Variants in APBB2 observed in about 807,000 individuals in gnomAD.
APBB2 encodes Fe65-like 1.
A neutral mutation model predicts 82.5 loss-of-function variants in APBB2; 38 were observed. The ratio of observed to expected loss-of-function variants is 0.46; its 90% CI spans 0.36 to 0.60. The LOEUF (loss-of-function observed/expected upper bound fraction) is 0.60, where lower values mean the gene tolerates loss of function less well. Ranked by LOEUF, APBB2 falls within the 20% of genes least tolerant of loss-of-function variation. APBB2 has a pLI of 0.00. For missense variants in APBB2, 772 were observed against 972.3 expected (o/e 0.79, Z 2.74); for synonymous variants, 341 against 368.2 (o/e 0.93, Z 0.85).
intron 12 of APBB2, among the ~76,000 whole-genome samples, chr4:40,846,797 T>C (rs973513380): frequency 5.9e-5 from 9 of 152,180 alleles, no homozygotes; most frequent in African/African-American, 1.7e-4. Context: ...ACACAATAGT[T>C]ACCAGCCTGC....
intron 5 of APBB2, among the ~76,000 whole-genome samples, chr4:41,028,435 C>T (rs1225744980): frequency 1.3e-5 from 2 of 152,164 alleles, no homozygotes; most frequent in Non-Finnish European, 2.9e-5. Context: ...AAGAGTGGTG[C>T]TCTGTTTTCT....
intron 1 of APBB2, among the ~76,000 whole-genome samples, chr4:41,185,582 TTGAC>T (rs1408732365): frequency 6.6e-6 from 1 of 152,252 alleles, no homozygotes; most frequent in Non-Finnish European, 1.5e-5. Flanking sequence ...TTCTTCTTTA[TTGAC>T]TATGTCAAAT....
At chr4:40,913,885 G>A (rs1265758909) in intron 10 of APBB2, among the ~76,000 whole-genome samples, 1 of 152,076 alleles carries the variant, frequency 6.6e-6, no homozygotes, top group Non-Finnish European at 1.5e-5. Flanking sequence ...AAGTCATTCA[G>A]GGGTGAGTTA....
intron 4 of APBB2, among the ~76,000 whole-genome samples, chr4:41,051,833 G>A (rs576910701): frequency 7.2e-4 from 110 of 152,222 alleles, no homozygotes; most frequent in Non-Finnish European, 1.1e-3. Flanking sequence ...GGGCCACCCC[G>A]GTTTGAATTC....
intron 4 of APBB2, among the ~76,000 whole-genome samples, chr4:41,054,418 G>A (rs528794627): frequency 2.0e-5 from 3 of 152,154 alleles, no homozygotes; most frequent in South Asian, 2.1e-4. Context: ...ATTTACTGTC[G>A]AGGCTGATCT....
intron 12 of APBB2, among the ~76,000 whole-genome samples, chr4:40,859,935 A>C (rs1240804605): frequency 2.0e-5 from 3 of 152,216 alleles, no homozygotes; most frequent in Non-Finnish European, 4.4e-5. Context: ...TCTTCTAGGA[A>C]TCTCAGCCCA....
intron 7 of APBB2, among the ~76,000 whole-genome samples, chr4:40,942,367 G>A (rs1053812742): frequency 3.3e-5 from 5 of 152,180 alleles, no homozygotes; most frequent in Admixed American, 6.5e-5. Flanking sequence ...GCAGAAGAGA[G>A]GAATGGAACT....
rs1394266791 is a variant in APBB2 at position 40,982,328 on chromosome 4, AAAGAAGGAAGG to A, written c.835+31244_835+31254del. Reference sequence around the variant, plus strand: ...AAGGAAAGAAAGAAAGAAAGAAAAGAAAGAAGGAAGGAAGGAAGGAAGGAAGGAAGGAAGGA... The same window carrying A: ...AAGGAAAGAAAGAAAGAAAGAAAAGAAAGGAAGGAAGGAAGGAAGGAAGGA... On this transcript the variant is annotated intron_variant, in intron 6 of 17. Coordinates refer to ENST00000508593, the MANE Select transcript of APBB2 (RefSeq NM_004307.2). Among the ~76,000 whole-genome samples the A allele has an allele frequency of 6.0e-5, 3 of 50,316 alleles. 1 individual carries two copies. The highest frequency in any genetic ancestry group is 8.2e-5 in the Non-Finnish European group (2 of 24,262). 33.0% of individuals were successfully genotyped at this position (50,316 alleles called of 152,430 possible). A position where few individuals can be genotyped will look rare whatever the true frequency, so the allele number is the denominator to read the frequency against.
Position 40,889,187 on chromosome 4 carries a change from G to A in APBB2, c.1529+1177C>T, listed in dbSNP as rs1276622851. Among the ~76,000 whole-genome samples the A allele has an allele frequency of 2.0e-5, 3 of 152,376 alleles. No individual in the cohort carries two copies. The East Asian group carries it at 5.8e-4, about 29-fold the overall frequency. On this transcript the variant is annotated intron_variant, in intron 12 of 17. Coordinates refer to ENST00000508593, the MANE Select transcript of APBB2 (RefSeq NM_004307.2). ...GGAAGGCTTATCCAATTGGCAGTGA[G>A]AAGAAAGACACTTCAGCTCTCTCCT...
chr4:40,878,665 G>C (rs186988607), intron 12 of APBB2, among the ~76,000 whole-genome samples: 34 of 152,110 alleles, frequency 2.2e-4, no homozygotes, highest in African/African-American at 7.7e-4. Flanking sequence ...ACATTTTCTG[G>C]GTTTTATTTT....
rs575952162 is a variant in APBB2 at position 40,952,010 on chromosome 4, A to T, written c.836-6937T>A. Reference sequence around the variant, plus strand: ...GAGACCAGCCTGGCCAACACAGTGAAACCTGTCTCTACCAAAAATGCAAAA... The same window carrying T: ...GAGACCAGCCTGGCCAACACAGTGATACCTGTCTCTACCAAAAATGCAAAA... On this transcript the variant is annotated intron_variant, in intron 6 of 17. Coordinates refer to ENST00000508593, the MANE Select transcript of APBB2 (RefSeq NM_004307.2). 2.8e-4 allele frequency among the ~76,000 whole-genome samples: 43 copies of T among 152,108 alleles called. 1 individual carries two copies. The South Asian group carries it at 8.5e-3, about 30-fold the overall frequency.
chr4:40,835,275 A>T (rs991591344), intron 12 of APBB2, among the ~76,000 whole-genome samples: 4 of 56,684 alleles, frequency 7.1e-5, no homozygotes, highest in Admixed American at 4.7e-4. Flanking sequence ...GATTCCGTCT[A>T]AAAAAAAAAA....
chr4:40,889,709 G>A (rs1017068291), intron 12 of APBB2, among the ~76,000 whole-genome samples: 1 of 152,112 alleles, frequency 6.6e-6, no homozygotes, highest in Non-Finnish European at 1.5e-5. Context: ...CTTGAAAATC[G>A]GAACTCGTTT....
chr4:41,068,591 AC>A (rs1319392947), intron 3 of APBB2, among the ~76,000 whole-genome samples: 1 of 152,152 alleles, frequency 6.6e-6, no homozygotes, highest in Non-Finnish European at 1.5e-5. Context: ...AAACAAACAA[AC>A]AAGGCAGTTT....
chr4:41,193,706 A>C lies in APBB2; in HGVS notation c.-417+20699T>G. 2,316 of 261,900 alleles carry C rather than the reference A, an allele frequency of 8.8e-3. 11 individuals carry two copies. The highest frequency in any genetic ancestry group is 0.011 in the Non-Finnish European group (1,894 of 168,556). 16.2% of individuals were successfully genotyped at this position (261,900 alleles called of 1,614,324 possible). A position where few individuals can be genotyped will look rare whatever the true frequency, so the allele number is the denominator to read the frequency against. Reference sequence around the variant, plus strand: ...CTGCTGTTACAGCAACTGTCTGAAAAACACAGGATAGCCCTAGGCAGGGTA... The same window carrying C: ...CTGCTGTTACAGCAACTGTCTGAAACACACAGGATAGCCCTAGGCAGGGTA... On this transcript the variant is annotated intron_variant, in intron 1 of 17. Transcript: ENST00000508593.
At chr4:41,005,508 GTC>G (rs1481546067) in intron 6 of APBB2, among the ~76,000 whole-genome samples, 4 of 151,956 alleles carry the variant, frequency 2.6e-5, no homozygotes, top group Non-Finnish European at 4.4e-5. Flanking sequence ...TAGTGTTTTT[GTC>G]TCTCTGATCC....
chr4:41,032,778 C>CTTTTTT (rs11421268), intron 5 of APBB2, among the ~76,000 whole-genome samples: 1,126 of 84,268 alleles, frequency 0.013, 31 homozygotes, highest in Non-Finnish European at 0.016. Flanking sequence ...ATTTTTCTTT[C>CTTTTTT]TTTTTTTTTT....
chr4:40,831,655 A>G (rs1474760642), intron 12 of APBB2, among the ~76,000 whole-genome samples: 1 of 152,230 alleles, frequency 6.6e-6, no homozygotes, highest in Admixed American at 6.5e-5. Context: ...GGACCAGCCC[A>G]CAGCTGACTG....
chr4:41,146,344 A>AC (rs1268843571), intron 1 of APBB2, among the ~76,000 whole-genome samples: 1,745 of 149,206 alleles, frequency 0.012, 26 homozygotes, highest in African/African-American at 0.041. Flanking sequence ...AAAAAAAAAA[A>AC]AAAACCCGGG....
Sources: allele counts gnomAD v4.1 joint callset (sites outside exome capture counted in the v4.1 genomes callset), GRCh38; gene constraint gnomAD v4.1.1; transcripts MANE v1.5; gene names NCBI Gene and HGNC (gene_info 2026-07-23, HGNC 2026-07-21).